Variants in SUPT5H observed in about 807,000 individuals in gnomAD.
The protein encoded by SUPT5H is transcription elongation factor SPT5.
A neutral mutation model predicts 142.5 loss-of-function variants in SUPT5H; 24 were observed. That is an observed-to-expected ratio of 0.17 (90% confidence interval 0.12 to 0.24). The LOEUF is 0.24. Among genes scored for constraint, SUPT5H ranks in the 10% least tolerant of loss-of-function variants. SUPT5H has a pLI of 1.00. For missense variants in SUPT5H, 893 were observed against 1,471.8 expected, an observed-to-expected ratio of 0.61 and a Z score of 6.43; for synonymous variants, 546 against 553.0, an observed-to-expected ratio of 0.99 and a Z score of 0.18.
In SUPT5H at chr19:39,466,989, T is replaced by C; in HGVS notation, c.1037+244T>C. Reference sequence around the variant, plus strand: ...TGGAAGGCTAAGGCAGGAGGCTTGCTTGAGGCAAGGAGTTCGAGACCAGCC... The same window carrying C: ...TGGAAGGCTAAGGCAGGAGGCTTGCCTGAGGCAAGGAGTTCGAGACCAGCC... On this transcript the variant is annotated intron_variant, in intron 13 of 29. Coordinates refer to ENST00000432763, the MANE Select transcript of SUPT5H (RefSeq NM_001111020.3). This position sits in a 1 kb window ranked among gnomAD's most constrained non-coding sequence, Gnocchi z 4.3. 1 of 518,776 alleles carries C rather than the reference T, an allele frequency of 1.9e-6. No individual in the cohort carries two copies. Among genetic ancestry groups the C allele is most frequent in the Non-Finnish European group, 3.4e-6 (1 of 291,180 alleles). The allele number at this position is 518,776 out of a possible 1,614,324, so 32.1% of individuals were successfully genotyped here.
intron 2 of SUPT5H, 29 bp downstream of exon 2, chr19:39,445,994 T>C: frequency 1.2e-6 from 2 of 1,603,862 alleles, no homozygotes; most frequent in Non-Finnish European, 1.7e-6. Context: ...GGGGGAGACA[T>C]TGCGTCTGGG....
At chr19:39,460,360 C>G (rs1030564538) in intron 10 of SUPT5H, among the ~76,000 whole-genome samples, 2 of 152,196 alleles carry the variant, frequency 1.3e-5, no homozygotes, top group Non-Finnish European at 2.9e-5. Context: ...TGAGTCCTGC[C>G]CTTGCCACTT....
In SUPT5H at chr19:39,463,098, T is replaced by C. The variant is rs148769751; in HGVS notation, c.625-1700T>C. Reference sequence around the variant, plus strand: ...ACCTTGAACTCCTGACCTCAGATGATCCACCCCTCAGCCTCCCAAAGTGCT... The same window carrying C: ...ACCTTGAACTCCTGACCTCAGATGACCCACCCCTCAGCCTCCCAAAGTGCT... On this transcript the variant is annotated intron_variant, in intron 10 of 29. Transcript: ENST00000432763. Among the ~76,000 whole-genome samples the C allele has an allele frequency of 8.7e-4, 129 of 149,040 alleles. 3 individuals carry two copies. In the East Asian group the frequency reaches 0.021, roughly 25 times the overall value.
Position 39,445,582 on chromosome 19 carries a change from A to C in SUPT5H, c.-143A>C, listed in dbSNP as rs781281856. 5.3e-6 allele frequency: 2 copies of C among 379,950 alleles called. No homozygotes were observed. The highest frequency in any genetic ancestry group is 4.0e-5 in the African/African-American group (2 of 49,572). The allele number at this position is 379,950 out of a possible 1,614,324, so 23.5% of individuals were successfully genotyped here. On this transcript the variant is annotated 5_prime_UTR_variant, in exon 1 of 30. Transcript: ENST00000432763. ...TCTCGCGAGAGGACCCGTCAGCCCC[A>C]GTCAGGCGTCGTGCGAACAGCAGCT...
In SUPT5H at chr19:39,458,482, T is replaced by TCAACAAC; in HGVS notation, c.319+177_319+178insCAACAAC. The stretch of plus-strand genomic sequence containing the variant: ...TCTGGGGCCAGGTATACCCCAGTTG[T>TCAACAAC]TGACCTGGGAAAGCACGGATGTGTC... On this transcript the variant is annotated intron_variant, in intron 5 of 29. Transcript: ENST00000432763. This position sits in a 1 kb window ranked among gnomAD's most constrained non-coding sequence, Gnocchi z 4.2. The TCAACAAC allele has an allele frequency of 8.4e-7, 1 of 1,184,938 alleles. No homozygotes were observed. The highest frequency in any genetic ancestry group is 1.2e-6 in the Non-Finnish European group (1 of 842,968). The allele number at this position is 1,184,938 out of a possible 1,614,324, so 73.4% of individuals were successfully genotyped here.
chr19:39,458,949 G>A lies in SUPT5H; in HGVS notation c.390-56G>A, dbSNP rs1056627231. ...TGTGGGGAGATTTGGGAGTAGGTCA[G>A]CCCACCTGCTGTCCTCAACCTTCAA... is the stretch of plus-strand genomic sequence containing the variant. On this transcript the variant is annotated intron_variant, in intron 6 of 29. Transcript: ENST00000432763. The surrounding 1 kb of genome is among the most constrained non-coding windows in gnomAD (Gnocchi z 4.2). 2.5e-6 allele frequency: 4 copies of A among 1,613,854 alleles called. No homozygotes were observed. The African/African-American group carries it at 4.0e-5, about 16-fold the overall frequency.
intron 2 of SUPT5H, among the ~76,000 whole-genome samples, chr19:39,446,691 C>G (rs1056415204): frequency 2.0e-5 from 3 of 152,100 alleles, no homozygotes; most frequent in Non-Finnish European, 4.4e-5. Context: ...ACAACGGGAC[C>G]CTGTCTCTAC....
In SUPT5H at chr19:39,472,368, C is replaced by T; in HGVS notation, c.1951-41C>T. 1 of 1,598,318 alleles carries T rather than the reference C, an allele frequency of 6.3e-7. No homozygotes were observed. The highest frequency in any genetic ancestry group is 8.6e-7 in the Non-Finnish European group (1 of 1,166,484). ...TGAGTTCCTGTGGTTTGTGGTTCCC[C>T]CATCCCCTGCCTGCCAGTTCACTCC... On this transcript the variant is annotated intron_variant, in intron 20 of 29. Transcript: ENST00000432763. This position sits in a 1 kb window ranked among gnomAD's most constrained non-coding sequence, Gnocchi z 4.2.
intron 10 of SUPT5H, among the ~76,000 whole-genome samples, chr19:39,461,040 G>T (rs2079154213): frequency 2.0e-5 from 3 of 152,022 alleles, no homozygotes. Context: ...ACTTAGGGAG[G>T]CTGAGGTGGG....
At chr19:39,453,928 C>T (rs1283506207) in intron 3 of SUPT5H, among the ~76,000 whole-genome samples, 1 of 151,862 alleles carries the variant, frequency 6.6e-6, no homozygotes, top group Non-Finnish European at 1.5e-5. Context: ...TCAGAATCAT[C>T]TTCTGAAATG....
rs2079379725 is a variant in SUPT5H at position 39,474,811 on chromosome 19, A to G, written c.3024+93A>G. Reference sequence around the variant, plus strand: ...ACCTGTCCCCAGATGGTGACAGCCCAGAGTGGGCAGAGCTGGGATTGAGGA... The same window carrying G: ...ACCTGTCCCCAGATGGTGACAGCCCGGAGTGGGCAGAGCTGGGATTGAGGA... On this transcript the variant is annotated intron_variant, in intron 28 of 29. Coordinates refer to ENST00000432763, the MANE Select transcript of SUPT5H (RefSeq NM_001111020.3). The surrounding 1 kb of genome is among the most constrained non-coding windows in gnomAD (Gnocchi z 6.5). The G allele has an allele frequency of 1.5e-6, 2 of 1,379,256 alleles. No individual in the cohort carries two copies. Among genetic ancestry groups the G allele is most frequent in the Non-Finnish European group, 2.0e-6 (2 of 1,004,360 alleles). 85.4% of individuals were successfully genotyped at this position (1,379,256 alleles called of 1,614,324 possible).
intron 3 of SUPT5H, among the ~76,000 whole-genome samples, chr19:39,455,927 T>TC (rs1402597561): frequency 1.1e-3 from 26 of 24,760 alleles, no homozygotes; most frequent in African/African-American, 7.8e-3. Flanking sequence ...CGCCTCTTCT[T>TC]TTTTTTTTTT....
At chr19:39,447,121 C>T (rs1343794923) in intron 2 of SUPT5H, among the ~76,000 whole-genome samples, 1 of 152,164 alleles carries the variant, frequency 6.6e-6, no homozygotes, top group Non-Finnish European at 1.5e-5. Context: ...TGTGATGGTG[C>T]CACTGCACTG....
At chr19:39,459,716 C>T in intron 9 of SUPT5H, 127 bp downstream of exon 9, 1 of 1,343,374 alleles carries the variant, frequency 7.4e-7, no homozygotes, top group South Asian at 1.2e-5. Context: ...TGTCTCCATC[C>T]CTCACTCCAC....
intron 2 of SUPT5H, among the ~76,000 whole-genome samples, chr19:39,451,127 G>T (rs2079016341): frequency 6.6e-6 from 1 of 150,848 alleles, no homozygotes; most frequent in African/African-American, 2.4e-5. Context: ...TATTTGCTGT[G>T]GAGCGTTCCC....
At chr19:39,453,572 T>C in intron 3 of SUPT5H, 51 bp downstream of exon 3, 1 of 1,441,824 alleles carries the variant, frequency 6.9e-7, no homozygotes, top group Non-Finnish European at 9.2e-7. Context: ...CTTCTACTTT[T>C]AGTTCCATTT....
intron 3 of SUPT5H, among the ~76,000 whole-genome samples, chr19:39,456,487 T>C (rs538587867): frequency 4.5e-4 from 68 of 151,386 alleles, no homozygotes; most frequent in African/African-American, 1.6e-3. Flanking sequence ...GGTGTGATCT[T>C]GGCTCACTGC....
chr19:39,471,095 C>T (rs772436765), intron 18 of SUPT5H, among the ~76,000 whole-genome samples: 5 of 152,174 alleles, frequency 3.3e-5, no homozygotes, highest in African/African-American at 4.8e-5. Flanking sequence ...GCCCCTTCTT[C>T]CATCTCTCAG....
At chr19:39,445,700 A>C in intron 1 of SUPT5H, 63 bp downstream of exon 1, 1 of 649,666 alleles carries the variant, frequency 1.5e-6, no homozygotes, top group Non-Finnish European at 2.7e-6. Flanking sequence ...CAGATTCGGA[A>C]ACTGGGGAGG....
Sources: allele counts gnomAD v4.1 joint callset (sites outside exome capture counted in the v4.1 genomes callset), GRCh38; gene constraint gnomAD v4.1.1; non-coding constraint Gnocchi (gnomAD v3.1); transcripts MANE v1.5; gene names NCBI Gene and HGNC (gene_info 2026-07-23, HGNC 2026-07-21).